The following TTC23L variants were observed in gnomAD, a reference collection of about 807,000 sequenced individuals.
The protein encoded by TTC23L is tetratricopeptide repeat protein 23-like.
A neutral mutation model predicts 48.1 loss-of-function variants in TTC23L; 42 were observed. The observed-to-expected ratio is 0.87, with a 90% CI of 0.68 to 1.13. TTC23L has a LOEUF of 1.13. TTC23L is among the 50% of genes most tolerant of loss of function. The pLI is 0.00. For synonymous variants in TTC23L, 159 were observed against 157.2 expected (o/e 1.01, Z -0.09); for missense variants, 391 against 421.0 (o/e 0.93, Z 0.62).
chr5:34,908,705 C>T, the TTC23L span: 19 of 1,422,352 alleles, frequency 1.3e-5, 1 homozygote, highest in African/African-American at 2.4e-4. Flanking sequence ...GAGTACTGTA[C>T]TCAGAATAAG....
At chr5:34,922,809 C>T in the TTC23L span, 1 of 1,555,964 alleles carries the variant, frequency 6.4e-7, no homozygotes, top group Non-Finnish European at 8.8e-7. Context: ...ATTTTCTTAT[C>T]TGGCATGGTT....
At chr5:34,839,655 G>A (rs1213801295) in intron 1 of TTC23L, 1 of 985,254 alleles carries the variant, frequency 1.0e-6, no homozygotes, top group Non-Finnish European at 1.2e-6. Flanking sequence ...TGGAGCCTGG[G>A]TCAGAAAGCC....
At chr5:34,869,131 G>A in intron 8 of TTC23L, 118 bp downstream of exon 8, 1 of 776,428 alleles carries the variant, frequency 1.3e-6, no homozygotes, top group South Asian at 1.6e-5. Context: ...AAATTAGGTG[G>A]GTCACAGTCT....
chr5:34,884,422 G>C (rs1022125334), intron 9 of TTC23L, among the ~76,000 whole-genome samples: 1 of 151,986 alleles, frequency 6.6e-6, no homozygotes, highest in African/African-American at 2.4e-5. Flanking sequence ...AGAGCAGTTA[G>C]GCAGGAAAGA....
rs559391927 is a variant in TTC23L, at chr5:34,849,488, G to A, written c.256-697G>A. ...ATGACTCAGCTTTTTCAAATAATTC[G>A]TAAGAAAAAGAACTAGAGATGGAAA... On this transcript the variant is annotated intron_variant, in intron 3 of 10. Coordinates refer to ENST00000505624, the Ensembl canonical transcript of TTC23L. 2.2e-4 allele frequency among the ~76,000 whole-genome samples: 33 copies of A among 152,194 alleles called. 1 individual carries two copies. The highest frequency in any genetic ancestry group is 7.0e-4 in the African/African-American group (29 of 41,548).
intron 8 of TTC23L, 27 bp downstream of exon 8, chr5:34,869,040 T>C: frequency 6.5e-7 from 1 of 1,544,244 alleles, no homozygotes. Flanking sequence ...GCCTTGAAGT[T>C]ATTTCCCAGT....
chr5:34,871,197 A>G (rs1761429545), intron 8 of TTC23L, among the ~76,000 whole-genome samples: 2 of 152,198 alleles, frequency 1.3e-5, no homozygotes, highest in Non-Finnish European at 2.9e-5. Flanking sequence ...TCCTAGAACT[A>G]ATATGTTTAA....
At chr5:34,860,349 A>G (rs1760508477) in intron 4 of TTC23L, among the ~76,000 whole-genome samples, 1 of 152,202 alleles carries the variant, frequency 6.6e-6, no homozygotes, top group African/African-American at 2.4e-5. Context: ...CTCTTGAAAA[A>G]CAAGATGAGT....
the TTC23L span, chr5:34,919,758 C>A: frequency 9.0e-6 from 4 of 445,066 alleles, no homozygotes; most frequent in African/African-American, 4.1e-5. Flanking sequence ...ACTTTATTTT[C>A]TGGATAGCAT....
chr5:34,845,268 G>A (rs1759011811), intron 2 of TTC23L, among the ~76,000 whole-genome samples: 1 of 152,246 alleles, frequency 6.6e-6, no homozygotes. Context: ...AAGCAGCAGA[G>A]CTGTACCTCT....
chr5:34,841,805 C>T (rs1032462991), intron 2 of TTC23L, among the ~76,000 whole-genome samples: 1 of 152,248 alleles, frequency 6.6e-6, no homozygotes, highest in Non-Finnish European at 1.5e-5. Flanking sequence ...GCATGAGCCA[C>T]TGTGCCCAGG....
At position 34,874,136 on chromosome 5, in the gene TTC23L, G is replaced by T. The variant is rs111385681; in HGVS notation, c.949+5123G>T. Reference sequence around the variant, plus strand: ...TGGCAAACCAGTGCCCCACAAATTGGAGAGACAGCAAAATAAAGAGAATCA... The same window carrying T: ...TGGCAAACCAGTGCCCCACAAATTGTAGAGACAGCAAAATAAAGAGAATCA... On this transcript the variant is annotated intron_variant, in intron 8 of 10. Transcript: ENST00000505624. 1.2e-4 allele frequency among the ~76,000 whole-genome samples: 18 copies of T among 152,216 alleles called. 1 individual carries two copies. Among genetic ancestry groups the T allele is most frequent in the African/African-American group, 4.3e-4 (18 of 41,512 alleles).
intron 4 of TTC23L, among the ~76,000 whole-genome samples, chr5:34,859,606 C>T (rs1384004467): frequency 6.6e-6 from 1 of 151,972 alleles, no homozygotes; most frequent in Non-Finnish European, 1.5e-5. Context: ...TTCTTTTTCT[C>T]TTCCGTTTTT....
chr5:34,908,773 C>CA, the TTC23L span: 7 of 1,600,492 alleles, frequency 4.4e-6, no homozygotes, highest in Non-Finnish European at 5.1e-6. Context: ...ACTCAAGACT[C>CA]AGATTCAGGA....
intron 8 of TTC23L, among the ~76,000 whole-genome samples, chr5:34,873,461 C>A (rs1561143641): frequency 6.6e-6 from 1 of 152,154 alleles, no homozygotes; most frequent in Non-Finnish European, 1.5e-5. Flanking sequence ...CCAGGTCGGT[C>A]CATGAGAATT....
intron 1 of TTC23L, 95 bp downstream of exon 1, chr5:34,839,354 C>G (rs1463004746): frequency 2.0e-5 from 3 of 152,834 alleles, no homozygotes; most frequent in African/African-American, 7.2e-5. Flanking sequence ...GTTTCTCCGC[C>G]TTGAGCCAGG....
intron 2 of TTC23L, 57 bp downstream of exon 2, chr5:34,840,796 C>G: frequency 6.5e-7 from 1 of 1,547,310 alleles, no homozygotes; most frequent in Non-Finnish European, 8.9e-7. Context: ...ACACTGGGAC[C>G]TCCTGCTTAA....
At chr5:34,898,795 G>T (rs913283748) in intron 10 of TTC23L, among the ~76,000 whole-genome samples, 1 of 152,126 alleles carries the variant, frequency 6.6e-6, no homozygotes, top group Non-Finnish European at 1.5e-5. Context: ...AGTAAAAAAA[G>T]GGCTATGAAA....
chr5:34,861,550 C>G (rs1760655650), intron 4 of TTC23L: 1 of 152,228 alleles, frequency 6.6e-6, no homozygotes, highest in African/African-American at 2.4e-5. Context: ...GGAGAAGGGA[C>G]CTGGGTCACC....
Sources: allele counts gnomAD v4.1 joint callset (sites outside exome capture counted in the v4.1 genomes callset), GRCh38; gene constraint gnomAD v4.1.1; transcripts MANE v1.5; gene names NCBI Gene and HGNC (gene_info 2026-07-23, HGNC 2026-07-21).